VPS26A: variants seen among roughly 807,000 people sequenced by gnomAD.
VPS26A encodes the protein VPS26 retromer complex component A, also known as vacuolar protein sorting-associated protein 26A.
In VPS26A, 22 loss-of-function variants were observed where a neutral mutation model predicts 42.4. The ratio of observed to expected loss-of-function variants is 0.52; its 90% CI spans 0.37 to 0.74. The LOEUF is 0.74. Ranked by LOEUF, VPS26A falls within the 30% of genes least tolerant of loss-of-function variation. The pLI is 0.00. For synonymous variants in VPS26A, 110 were observed against 123.5 expected (o/e 0.89, Z 0.73); for missense variants, 276 against 379.2 (o/e 0.73, Z 2.26).
chr10:69,139,746 T>A (rs949605546), intron 2 of VPS26A, among the ~76,000 whole-genome samples: 1 of 152,214 alleles, frequency 6.6e-6, no homozygotes, highest in African/African-American at 2.4e-5. Context: ...GGTTTTCTTC[T>A]TGATATCAGT....
rs934784159 is a variant in VPS26A, at chr10:69,174,080, C to T, written c.*2811C>T. Among the ~76,000 whole-genome samples, 1 of 152,216 alleles carries T rather than the reference C, an allele frequency of 6.6e-6. No individual in the cohort carries two copies. The highest frequency in any genetic ancestry group is 2.4e-5 in the African/African-American group (1 of 41,454). On this transcript the variant is annotated 3_prime_UTR_variant, in exon 9 of 9. Transcript: ENST00000263559. The stretch of plus-strand genomic sequence containing the variant: ...AAGCTGGCCACCCCCCAGCCAGCAG[C>T]GGCAACCGGCTCGGGTCCCCCTCCA...
In VPS26A at chr10:69,173,955, A is replaced by G. The variant is rs1029444751; in HGVS notation, c.*2686A>G. On this transcript the variant is annotated 3_prime_UTR_variant, in exon 9 of 9. Coordinates refer to ENST00000263559, the MANE Select transcript of VPS26A (RefSeq NM_004896.5). ...GTTGCAGTGAGCCGAGATCACACCA[A>G]TGCACTCCAGCCTGGCTAGAAGTTT... 1.3e-5 allele frequency among the ~76,000 whole-genome samples: 2 copies of G among 152,240 alleles called. No homozygotes were observed. Among genetic ancestry groups the G allele is most frequent in the Middle Eastern group, 6.8e-3 (2 of 294 alleles).
chr10:69,160,921 T>C (rs111934044), intron 5 of VPS26A, among the ~76,000 whole-genome samples: 354 of 152,292 alleles, frequency 2.3e-3, no homozygotes, highest in African/African-American at 7.8e-3. Context: ...CCTATGTAGG[T>C]AGGTTTCTTT....
In VPS26A at chr10:69,168,604, G is replaced by A. The variant is rs747487572; in HGVS notation, c.843G>A (p.Glu281=). 1.2e-6 allele frequency: 2 copies of A among 1,614,036 alleles called. No homozygotes were observed. Among genetic ancestry groups the A allele is most frequent in the South Asian group, 2.2e-5 (2 of 91,064 alleles). ...TTTTGAATTTAGTGCTTGTTGATGAGGAAGACCGGAGGTACTTCAAACAGC... is the reference window on the plus strand; with the variant it reads ...TTTTGAATTTAGTGCTTGTTGATGAAGAAGACCGGAGGTACTTCAAACAGC... ...RYFLNLVLVD[E]EDRRYFKQQE... Residue 281 remains glutamate (E), a synonymous_variant, in exon 8 of 9, where the codon GAG becomes GAA. Coordinates refer to ENST00000263559, the MANE Select transcript of VPS26A (RefSeq NM_004896.5).
At chr10:69,164,217 C>G (rs1340760126) in intron 6 of VPS26A, among the ~76,000 whole-genome samples, 3 of 147,304 alleles carry the variant, frequency 2.0e-5, no homozygotes, top group Non-Finnish European at 4.5e-5. Context: ...ATCAATCCCC[C>G]TCCACCTTTT....
chr10:69,154,919 T>A (rs202182028), intron 2 of VPS26A, among the ~76,000 whole-genome samples: 3,316 of 143,974 alleles, frequency 0.023, 92 homozygotes, highest in African/African-American at 0.072. Context: ...ATATATATTT[T>A]TTTTTTAAGA....
At chr10:69,153,601 G>C (rs1038932265) in intron 2 of VPS26A, among the ~76,000 whole-genome samples, 2 of 149,048 alleles carry the variant, frequency 1.3e-5, no homozygotes, top group Non-Finnish European at 3.0e-5. Flanking sequence ...CAGCCTTCCT[G>C]CCTCTGCCTC....
At chr10:69,167,276 C>A (rs1186457411) in intron 7 of VPS26A, among the ~76,000 whole-genome samples, 1 of 150,572 alleles carries the variant, frequency 6.6e-6, no homozygotes, top group East Asian at 2.0e-4. Context: ...ATAAAAAATA[C>A]AAAAATTAGC....
At chr10:69,168,247 G>A (rs1210579681) in intron 7 of VPS26A, among the ~76,000 whole-genome samples, 1 of 152,156 alleles carries the variant, frequency 6.6e-6, no homozygotes, top group African/African-American at 2.4e-5. Context: ...AGTACTACTG[G>A]TATCTAGTGG....
At chr10:69,155,979 G>T (rs1841422471) in intron 3 of VPS26A, 92 bp downstream of exon 3, 4 of 930,572 alleles carry the variant, frequency 4.3e-6, no homozygotes, top group African/African-American at 1.7e-5. Flanking sequence ...TTAGAGCTTA[G>T]CTTTGTAGAA....
intron 8 of VPS26A, among the ~76,000 whole-genome samples, chr10:69,169,323 G>A (rs879351517): frequency 2.0e-5 from 3 of 151,942 alleles, no homozygotes; most frequent in Non-Finnish European, 4.4e-5. Flanking sequence ...ACAGCCTCTT[G>A]AGTAGCTGGG....
At chr10:69,154,267 T>C (rs2132223353) in intron 2 of VPS26A, among the ~76,000 whole-genome samples, 1 of 152,314 alleles carries the variant, frequency 6.6e-6, no homozygotes, top group African/African-American at 2.4e-5. Context: ...CTGGGCGTGA[T>C]GACTCATGCC....
At chr10:69,129,403 G>T (rs921041671) in intron 1 of VPS26A, among the ~76,000 whole-genome samples, 1 of 152,114 alleles carries the variant, frequency 6.6e-6, no homozygotes, top group African/African-American at 2.4e-5. Context: ...TGGACAGTGT[G>T]TGTGACCTAT....
rs570708303 is a variant in VPS26A at position 69,173,811 on chromosome 10, A to T, written c.*2542A>T. ...GTTCCAGGAGTTCGAGACCAGCCTGACCAACGTGGAGAAACTCCATCTCTA... is the reference window on the plus strand; with the variant it reads ...GTTCCAGGAGTTCGAGACCAGCCTGTCCAACGTGGAGAAACTCCATCTCTA... On this transcript the variant is annotated 3_prime_UTR_variant, in exon 9 of 9. Coordinates refer to ENST00000263559, the MANE Select transcript of VPS26A (RefSeq NM_004896.5). Among the ~76,000 whole-genome samples the T allele has an allele frequency of 6.6e-6, 1 of 152,200 alleles. No individual in the cohort carries two copies. The highest frequency in any genetic ancestry group is 2.1e-4 in the South Asian group (1 of 4,824).
intron 5 of VPS26A, among the ~76,000 whole-genome samples, chr10:69,161,028 A>G (rs1841550193): frequency 6.6e-6 from 1 of 152,132 alleles, no homozygotes; most frequent in African/African-American, 2.4e-5. Context: ...AATGTTGAAA[A>G]TATCTTCATA....
At chr10:69,149,725 GTGTTTTT>G (rs763742515) in intron 2 of VPS26A, among the ~76,000 whole-genome samples, 14,767 of 59,384 alleles carry the variant, frequency 0.25, 2,279 homozygotes, top group Non-Finnish European at 0.39. Flanking sequence ...AACTTTCTTG[GTGTTTTT>G]TGTTTTTTTT....
rs1447704961 is a variant in VPS26A, at chr10:69,150,558, C to T, written c.154-5254C>T. Among the ~76,000 whole-genome samples, 38 of 151,830 alleles carry T rather than the reference C, an allele frequency of 2.5e-4. 1 individual carries two copies. Among genetic ancestry groups the T allele is most frequent in the Admixed American group, 2.0e-3 (31 of 15,224 alleles). On this transcript the variant is annotated intron_variant, in intron 2 of 8. Coordinates refer to ENST00000263559, the MANE Select transcript of VPS26A (RefSeq NM_004896.5). Reference sequence around the variant, plus strand: ...GACTACAGGCGCCTGCCACCACACCCGGCTAATTTTTTGTATTTTTAGTAG... The same window carrying T: ...GACTACAGGCGCCTGCCACCACACCTGGCTAATTTTTTGTATTTTTAGTAG...
intron 2 of VPS26A, among the ~76,000 whole-genome samples, chr10:69,147,569 T>A (rs1841189569): frequency 6.6e-6 from 1 of 152,214 alleles, no homozygotes; most frequent in Admixed American, 6.5e-5. Context: ...TTTATCCAAA[T>A]GAGTTAATAT....
chr10:69,125,140 A>G (rs1032700284), intron 1 of VPS26A, among the ~76,000 whole-genome samples: 1 of 152,196 alleles, frequency 6.6e-6, no homozygotes, highest in African/African-American at 2.4e-5. Context: ...ATGCTCTCCT[A>G]ATACTACCTG....
Sources: gnomAD v4.1 joint callset for allele counts (sites outside exome capture counted in the v4.1 genomes callset) on GRCh38, gnomAD v4.1.1 for gene constraint, MANE v1.5 for transcripts, NCBI Gene and HGNC (gene_info 2026-07-23, HGNC 2026-07-21) for gene names.